The following CTNNB1 variants were observed in gnomAD, a reference collection of about 807,000 sequenced individuals.
CTNNB1 encodes catenin beta 1, also known as catenin beta-1.
Under a neutral mutation model 82.5 loss-of-function variants are expected in CTNNB1, and 6 were observed. That is an observed-to-expected ratio of 0.07 (90% CI 0.04 to 0.14). CTNNB1 has a LOEUF of 0.14. Ranked by LOEUF, CTNNB1 falls within the 10% of genes least tolerant of loss-of-function variation. The pLI is 1.00. For synonymous variants in CTNNB1, 312 were observed against 329.7 expected (o/e 0.95, Z 0.58); for missense variants, 529 against 980.4 (o/e 0.54, Z 6.15).
At chr3:41,207,833 C>T (rs995212096) in intron 1 of CTNNB1, among the ~76,000 whole-genome samples, 1 of 152,178 alleles carries the variant, frequency 6.6e-6, no homozygotes, top group Non-Finnish European at 1.5e-5. Context: ...ATGCTACTTC[C>T]CTTGCAGCTC....
rs1553633220 is a variant in CTNNB1, at chr3:41,240,244, C to CTATT, written c.*904_*907dup. ...ATATGCTTAAAATAAGCAGGTGGAT[C>CTATT]TATTTCATGTTTTTGATCAAAAACT... On this transcript the variant is annotated 3_prime_UTR_variant, in exon 15 of 15. Coordinates refer to ENST00000349496, the MANE Select transcript of CTNNB1 (RefSeq NM_001904.4). 1 of 194,748 alleles carries CTATT rather than the reference C, an allele frequency of 5.1e-6. No homozygotes were observed. The highest frequency in any genetic ancestry group is 8.1e-5 in the East Asian group (1 of 12,342). The allele number at this position is 194,748 out of a possible 1,614,324, so 12.1% of individuals were successfully genotyped here. A position where few individuals can be genotyped will look rare whatever the true frequency, so the allele number is the denominator to read the frequency against.
At chr3:41,230,680 T>C (rs1025523511) in intron 7 of CTNNB1, among the ~76,000 whole-genome samples, 1 of 152,036 alleles carries the variant, frequency 6.6e-6, no homozygotes, top group Non-Finnish European at 1.5e-5. Context: ...AGGGAAAAGG[T>C]CTCCTTGAAA....
intron 1 of CTNNB1, chr3:41,222,276 A>G (rs1251639815): frequency 6.6e-6 from 1 of 152,116 alleles, no homozygotes; most frequent in Non-Finnish European, 1.5e-5. Flanking sequence ...TTGGCAGTCT[A>G]TTTGATTTCT....
intron 7 of CTNNB1, among the ~76,000 whole-genome samples, chr3:41,231,254 G>A (rs1310716063): frequency 6.6e-6 from 1 of 151,900 alleles, no homozygotes; most frequent in Non-Finnish European, 1.5e-5. Flanking sequence ...GTGAACCCGG[G>A]AGGCGGAGCT....
At chr3:41,212,812 TATTTA>T (rs1464243099) in intron 1 of CTNNB1, among the ~76,000 whole-genome samples, 1 of 152,344 alleles carries the variant, frequency 6.6e-6, no homozygotes, top group East Asian at 1.9e-4. Context: ...TTATTCCTGT[TATTTA>T]ATTTTTCTCA....
In CTNNB1 at chr3:41,234,903, A is replaced by T. The variant is rs2078399442; in HGVS notation, c.1683+606A>T. 7 of 159,940 alleles carry T rather than the reference A, an allele frequency of 4.4e-5. No individual in the cohort carries two copies. The South Asian group carries it at 1.2e-3, about 28-fold the overall frequency. 9.9% of individuals were successfully genotyped at this position (159,940 alleles called of 1,614,324 possible). On this transcript the variant is annotated intron_variant, in intron 10 of 14. Transcript: ENST00000349496. ...ACCTTATTAGGTTAGTTTAGAAAAC[A>T]AAGATGGAGCCTACCAGAACAGATG...
In CTNNB1 at chr3:41,239,664, A is replaced by G; in HGVS notation, c.*322A>G. Reference sequence around the variant, plus strand: ...AGCCTTTCTCTCTTTATACAGCTGTATTGTCTGAACTTGCATTGTGATTGG... The same window carrying G: ...AGCCTTTCTCTCTTTATACAGCTGTGTTGTCTGAACTTGCATTGTGATTGG... On this transcript the variant is annotated 3_prime_UTR_variant, in exon 15 of 15. Coordinates refer to ENST00000349496, the MANE Select transcript of CTNNB1 (RefSeq NM_001904.4). The G allele has an allele frequency of 4.5e-6, 2 of 448,186 alleles. No individual in the cohort carries two copies. The highest frequency in any genetic ancestry group is 8.3e-6 in the Non-Finnish European group (2 of 241,186). 27.8% of individuals were successfully genotyped at this position (448,186 alleles called of 1,614,324 possible).
rs2078508894 is a variant in CTNNB1 at position 41,239,048 on chromosome 3, C to T, written c.2138-86C>T. 3.5e-6 allele frequency: 4 copies of T among 1,145,226 alleles called. No individual in the cohort carries two copies. The African/African-American group carries it at 4.5e-5, about 13-fold the overall frequency. 70.9% of individuals were successfully genotyped at this position (1,145,226 alleles called of 1,614,324 possible). On this transcript the variant is annotated intron_variant, in intron 14 of 14. Transcript: ENST00000349496. ...TGCTGCTGAACTTTGGATGCCCTAA[C>T]CTCAGTGTTAACGTCTATGTCTGCT...
chr3:41,218,423 A>C (rs1407151132), intron 1 of CTNNB1, among the ~76,000 whole-genome samples: 1 of 152,058 alleles, frequency 6.6e-6, no homozygotes, highest in East Asian at 2.0e-4. Flanking sequence ...AGAACAAGAC[A>C]TATCTTCCCA....
In CTNNB1 at chr3:41,239,299, C is replaced by T. The variant is rs377050808; in HGVS notation, c.2303C>T (p.Pro768Leu). The T allele has an allele frequency of 6.2e-7, 1 of 1,614,024 alleles. No homozygotes were observed. The highest frequency in any genetic ancestry group is 8.5e-7 in the Non-Finnish European group (1 of 1,180,032). ...HAQDLMDGLP[P>L]GDSNQLAWFD... ...CAGGACCTCATGGATGGGCTGCCTC[C>T]AGGTGACAGCAATCAGCTGGCCTGG... is the stretch of plus-strand genomic sequence containing the variant. Residue 768 changes from proline to leucine, a missense_variant, in exon 15 of 15, where the codon CCA becomes CTA. Around this residue, in one of 4 missense-constraint regions of CTNNB1, gnomAD observed 102 missense variants for 130.8 expected, o/e 0.78. Transcript: ENST00000349496.
chr3:41,211,449 A>G (rs976020001), intron 1 of CTNNB1, among the ~76,000 whole-genome samples: 5 of 152,140 alleles, frequency 3.3e-5, no homozygotes, highest in Admixed American at 6.5e-5. Context: ...AGTATATCGT[A>G]TGATGCTGAA....
chr3:41,227,359 A>G lies in CTNNB1; in HGVS notation c.1081+7A>G, dbSNP rs771204592. The G allele has an allele frequency of 3.1e-6, 5 of 1,613,630 alleles. No homozygotes were observed. The highest frequency in any genetic ancestry group is 3.3e-5 in the Admixed American group (2 of 60,008). On this transcript the variant is annotated splice_region_variant and intron_variant, in intron 7 of 14. Coordinates refer to ENST00000349496, the MANE Select transcript of CTNNB1 (RefSeq NM_001904.4). ...CCGGCTATTGTAGAAGCTGGTAAGT[A>G]TATGTATCTATTCTGAGTCTTGTGT...
At chr3:41,214,624 C>T (rs762852728) in intron 1 of CTNNB1, among the ~76,000 whole-genome samples, 29 of 152,216 alleles carry the variant, frequency 1.9e-4, no homozygotes, top group Non-Finnish European at 3.8e-4. Flanking sequence ...TATTACAGGT[C>T]TTCACATTTA....
At chr3:41,228,393 C>G (rs1263265544) in intron 7 of CTNNB1, among the ~76,000 whole-genome samples, 2 of 152,138 alleles carry the variant, frequency 1.3e-5, no homozygotes, top group African/African-American at 4.8e-5. Context: ...CATTTTTTGA[C>G]TTTTTATTAG....
chr3:41,217,757 G>A (rs2077948623), intron 1 of CTNNB1, among the ~76,000 whole-genome samples: 1 of 151,884 alleles, frequency 6.6e-6, no homozygotes, highest in South Asian at 2.1e-4. Context: ...AAAGTAAATG[G>A]GTTTAAACAT....
intron 1 of CTNNB1, among the ~76,000 whole-genome samples, chr3:41,209,519 C>T (rs961546644): frequency 6.6e-6 from 1 of 152,180 alleles, no homozygotes; most frequent in Non-Finnish European, 1.5e-5. Flanking sequence ...TGTCTGTTCT[C>T]CCTTCAGAAT....
intron 1 of CTNNB1, among the ~76,000 whole-genome samples, chr3:41,211,760 A>G (rs1337010394): frequency 6.6e-6 from 1 of 152,062 alleles, no homozygotes; most frequent in Non-Finnish European, 1.5e-5. Context: ...CATTTTCTTG[A>G]TCCAGTCTAC....
chr3:41,213,279 C>T (rs1296138684), intron 1 of CTNNB1, among the ~76,000 whole-genome samples: 1 of 152,104 alleles, frequency 6.6e-6, no homozygotes, highest in Non-Finnish European at 1.5e-5. Flanking sequence ...GATGTTTATT[C>T]TCTGTTCCTT....
intron 1 of CTNNB1, among the ~76,000 whole-genome samples, chr3:41,202,422 A>C (rs2077552332): frequency 6.6e-6 from 1 of 152,186 alleles, no homozygotes; most frequent in South Asian, 2.1e-4. Flanking sequence ...TGTCATGTTG[A>C]TTTGTGACAT....
Sources: allele counts gnomAD v4.1 joint callset (sites outside exome capture counted in the v4.1 genomes callset), GRCh38; gene constraint gnomAD v4.1.1; regional missense constraint gnomAD v4.1.1; transcripts MANE v1.5; gene names NCBI Gene and HGNC (gene_info 2026-07-23, HGNC 2026-07-21).